The following DCDC1 variants were observed in gnomAD, a reference collection of about 807,000 sequenced individuals.
DCDC1 encodes the protein doublecortin domain containing 1.
DCDC1 carries 200 observed loss-of-function variants against 178.3 expected under a neutral mutation model. That is an observed-to-expected ratio of 1.12 (90% CI 1.00 to 1.26). The LOEUF (loss-of-function observed/expected upper bound fraction) is 1.26. Ranked by LOEUF, DCDC1 falls within the 50% of genes most tolerant of loss-of-function variation. The pLI is 0.00. For synonymous variants in DCDC1, 690 were observed against 604.8 expected (o/e 1.14, Z -2.07); for missense variants, 1,983 against 1,749.2 (o/e 1.13, Z -2.38).
intron 20 of DCDC1, among the ~76,000 whole-genome samples, chr11:31,030,837 G>A (rs1055579517): frequency 6.8e-6 from 1 of 146,868 alleles, no homozygotes; most frequent in African/African-American, 2.6e-5. Flanking sequence ...ATAACATAGA[G>A]AATTGTATAT....
At chr11:30,875,285 C>T (rs865824573) in intron 38 of DCDC1, among the ~76,000 whole-genome samples, 1 of 152,064 alleles carries the variant, frequency 6.6e-6, no homozygotes, top group African/African-American at 2.4e-5. Context: ...GTGTCGAGAA[C>T]AAAACTGTTA....
intron 20 of DCDC1, among the ~76,000 whole-genome samples, chr11:31,042,381 C>T (rs532735302): frequency 2.5e-4 from 38 of 152,130 alleles, no homozygotes; most frequent in Non-Finnish European, 4.3e-4. Context: ...ACCTTACCAT[C>T]TTATACTAAG....
At chr11:31,270,963 T>C (rs1260604282) in intron 7 of DCDC1, among the ~76,000 whole-genome samples, 5 of 152,158 alleles carry the variant, frequency 3.3e-5, no homozygotes, top group Non-Finnish European at 7.4e-5. Flanking sequence ...ATTACTATCA[T>C]TCATGATCAC....
intron 20 of DCDC1, among the ~76,000 whole-genome samples, chr11:31,020,466 T>G (rs1368505109): frequency 1.3e-5 from 2 of 152,180 alleles, no homozygotes; most frequent in African/African-American, 4.8e-5. Flanking sequence ...CTTAAGTCAT[T>G]AGATCAACTC....
chr11:31,042,958 G>T (rs1954574706), intron 20 of DCDC1, among the ~76,000 whole-genome samples: 1 of 152,078 alleles, frequency 6.6e-6, no homozygotes, highest in Non-Finnish European at 1.5e-5. Context: ...ATAAGTTCAG[G>T]GAAATGCTTC....
At chr11:31,212,651 T>G (rs9919647) in intron 9 of DCDC1, among the ~76,000 whole-genome samples, 1 of 151,956 alleles carries the variant, frequency 6.6e-6, no homozygotes, top group Non-Finnish European at 1.5e-5. Context: ...CATGGGTGAA[T>G]AAAAATGACG....
chr11:31,314,839 T>G (rs1046046727), intron 3 of DCDC1, among the ~76,000 whole-genome samples: 1 of 152,194 alleles, frequency 6.6e-6, no homozygotes, highest in Non-Finnish European at 1.5e-5. Flanking sequence ...ATCATGATGG[T>G]GATATCTCAT....
intron 20 of DCDC1, among the ~76,000 whole-genome samples, chr11:30,996,204 A>G (rs1304488566): frequency 6.6e-6 from 1 of 152,142 alleles, no homozygotes; most frequent in Admixed American, 6.6e-5. Flanking sequence ...AATTAAAACC[A>G]TAATGAACGA....
At chr11:31,351,016 A>G (rs1336124178) in intron 1 of DCDC1, among the ~76,000 whole-genome samples, 1 of 152,086 alleles carries the variant, frequency 6.6e-6, no homozygotes, top group African/African-American at 2.4e-5. Context: ...GAATCAAAAT[A>G]TTAAGTCATA....
chr11:31,305,711 C>A lies in DCDC1; in HGVS notation c.658G>T (p.Gly220Cys), dbSNP rs376440811. 6.2e-7 allele frequency: 1 copy of A among 1,613,682 alleles called. No homozygotes were observed. The highest frequency in any genetic ancestry group is 1.3e-5 in the African/African-American group (1 of 74,848). ...MAARRVFLAD[G>C]KEALEPEDIP... ...TCTTCAGGTTCGAGGGCTTCCTTGC[C>A]GTCTGCCAAGAACACTCGTCTTGCG... Residue 220 changes from glycine (G) to cysteine (C), a missense_variant, in exon 6 of 39, where the codon GGC becomes TGC. Coordinates refer to ENST00000684477, the MANE Select transcript of DCDC1 (RefSeq NM_001387274.1).
At chr11:30,947,510 A>C (rs1239468136) in intron 21 of DCDC1, among the ~76,000 whole-genome samples, 1 of 152,196 alleles carries the variant, frequency 6.6e-6, no homozygotes, top group African/African-American at 2.4e-5. Flanking sequence ...GGATATCCGT[A>C]TACAGAAGAA....
intron 20 of DCDC1, among the ~76,000 whole-genome samples, chr11:30,969,907 C>T (rs973491269): frequency 2.0e-5 from 3 of 152,154 alleles, no homozygotes; most frequent in African/African-American, 4.8e-5. Context: ...AGGGACTTGA[C>T]TAGAGGTATC....
At chr11:31,227,189 A>G (rs1263180532) in intron 9 of DCDC1, among the ~76,000 whole-genome samples, 4 of 152,308 alleles carry the variant, frequency 2.6e-5, no homozygotes, top group Non-Finnish European at 4.4e-5. Flanking sequence ...TGGATAGTAT[A>G]TAAAGAAAAG....
chr11:30,897,562 G>A (rs1402600367), intron 34 of DCDC1, among the ~76,000 whole-genome samples: 2 of 98,528 alleles, frequency 2.0e-5, no homozygotes, highest in African/African-American at 7.9e-5. Flanking sequence ...CAGCCTGGGC[G>A]ACAGAACAAG....
At chr11:30,962,065 C>T (rs1277182612) in intron 20 of DCDC1, among the ~76,000 whole-genome samples, 1 of 151,974 alleles carries the variant, frequency 6.6e-6, no homozygotes, top group African/African-American at 2.4e-5. Context: ...TATTTTGCAA[C>T]TGACAATGAA....
intron 26 of DCDC1, 119 bp downstream of exon 26, chr11:30,916,751 G>T: frequency 8.7e-7 from 1 of 1,147,164 alleles, no homozygotes; most frequent in Non-Finnish European, 1.2e-6. Context: ...ACAAAAATGT[G>T]CATGTTGATA....
At chr11:31,355,442 CATT>C (rs1951291124) in intron 1 of DCDC1, among the ~76,000 whole-genome samples, 1 of 152,150 alleles carries the variant, frequency 6.6e-6, no homozygotes, top group Admixed American at 6.5e-5. Flanking sequence ...TGTTGTTCCT[CATT>C]ATGTAATTGA....
chr11:31,186,322 C>A (rs575392804), intron 9 of DCDC1, among the ~76,000 whole-genome samples: 1 of 152,198 alleles, frequency 6.6e-6, no homozygotes, highest in African/African-American at 2.4e-5. Context: ...CTTATTCCCC[C>A]AGCTTGACTA....
chr11:31,093,068 T>G (rs1401002654), intron 16 of DCDC1, among the ~76,000 whole-genome samples: 1 of 152,248 alleles, frequency 6.6e-6, no homozygotes, highest in African/African-American at 2.4e-5. Flanking sequence ...TTCAACTAAG[T>G]GGAGATGTTA....
Sources: gnomAD v4.1 joint callset for allele counts (sites outside exome capture counted in the v4.1 genomes callset) on GRCh38, gnomAD v4.1.1 for gene constraint, MANE v1.5 for transcripts, NCBI Gene and HGNC (gene_info 2026-07-23, HGNC 2026-07-21) for gene names.